REST: variants seen among roughly 807,000 people sequenced by gnomAD.
REST encodes the protein RE1-silencing transcription factor.
In REST, 1 loss-of-function variant was observed where a neutral mutation model predicts 30.4. That is an observed-to-expected ratio of 0.03 (90% CI 0.01 to 0.16). The LOEUF is 0.16. Among genes scored for constraint, REST ranks in the 10% least tolerant of loss-of-function variants. The pLI, the probability that REST is intolerant of heterozygous loss-of-function variation, is 1.00. For synonymous variants in REST, 504 were observed against 451.1 expected (o/e 1.12, Z -1.49); for missense variants, 1,259 against 1,329.5 (o/e 0.95, Z 0.82).
intron 1 of REST, chr4:56,909,657 T>C (rs1258165165): frequency 6.6e-6 from 1 of 152,264 alleles, no homozygotes; most frequent in African/African-American, 2.4e-5. Flanking sequence ...ATTTTCGGTT[T>C]AACTTTATTT....
intron 2 of REST, among the ~76,000 whole-genome samples, chr4:56,913,759 A>C (rs1018526138): frequency 6.6e-6 from 1 of 151,892 alleles, no homozygotes; most frequent in Non-Finnish European, 1.5e-5. Context: ...AGCGATTCTC[A>C]TGCCTCAGCC....
chr4:56,913,559 T>C (rs989775309), intron 2 of REST, among the ~76,000 whole-genome samples: 2 of 152,084 alleles, frequency 1.3e-5, no homozygotes, highest in African/African-American at 2.4e-5. Flanking sequence ...CTTACAGGAG[T>C]TGGCACTTGA....
intron 2 of REST, among the ~76,000 whole-genome samples, chr4:56,916,177 C>T (rs1194502369): frequency 6.6e-6 from 1 of 152,140 alleles, no homozygotes; most frequent in African/African-American, 2.4e-5. Flanking sequence ...GTGGGGGGAG[C>T]TGGGGACTTT....
chr4:56,930,157 A>G lies in REST; in HGVS notation c.1299A>G (p.Arg433=), dbSNP rs1297308304. Residue 433 remains arginine, a synonymous_variant, in exon 4 of 4, where the codon CGA becomes CGG. Transcript: ENST00000309042. ...SKVKLKKTKK[R]EADLPDNITN... is the part of the protein sequence containing the mutation. Reference sequence around the variant, plus strand: ...TGAAACTAAAGAAAACCAAAAAACGAGAGGCTGACTTGCCTGATAATATTA... The same window carrying G: ...TGAAACTAAAGAAAACCAAAAAACGGGAGGCTGACTTGCCTGATAATATTA... The G allele has an allele frequency of 6.8e-6, 11 of 1,613,530 alleles. No homozygotes were observed. Among genetic ancestry groups the G allele is most frequent in the Non-Finnish European group, 9.3e-6 (11 of 1,179,912 alleles).
chr4:56,925,070 CAGG>C (rs1720626213), intron 3 of REST, among the ~76,000 whole-genome samples: 2 of 149,592 alleles, frequency 1.3e-5, no homozygotes, highest in African/African-American at 4.9e-5. Flanking sequence ...GAGGCTGAGA[CAGG>C]AGAATCACTT....
chr4:56,917,130 T>C lies in REST; in HGVS notation c.899-2657T>C, dbSNP rs566885020. On this transcript the variant is annotated intron_variant, in intron 2 of 3. Coordinates refer to ENST00000309042, the MANE Select transcript of REST (RefSeq NM_005612.5). ...ACTGCTAATGATAATGTTCATCTTT[T>C]CATGTGTTTATTGGCTATTTGTAAA... Among the ~76,000 whole-genome samples the C allele has an allele frequency of 1.9e-4, 29 of 152,376 alleles. No homozygotes were observed. The South Asian group carries it at 5.0e-3, about 26-fold the overall frequency.
In REST at chr4:56,931,783, C is replaced by T. The variant is rs1720985733; in HGVS notation, c.2925C>T (p.Pro975=). 6.2e-7 allele frequency: 1 copy of T among 1,614,208 alleles called. No individual in the cohort carries two copies. The highest frequency in any genetic ancestry group is 8.5e-7 in the Non-Finnish European group (1 of 1,180,046). ...AAGAACCAGTTTCACCAATGCTTCC[C>T]CCTTCAGCAGTAGAAGAACGTGAAG... ...TVEEPVSPML[P]PSAVEEREAV... The change falls in exon 4 of 4, where the codon CCC becomes CCT. Residue 975 remains proline, a synonymous_variant. Transcript: ENST00000309042.
chr4:56,931,601 G>A lies in REST; in HGVS notation c.2743G>A (p.Glu915Lys), dbSNP rs372214552. ...SLPGLAANIN[E>K]STHISSSGQN... Reference sequence around the variant, plus strand: ...ACCTGGTCTTGCTGCTAATATCAACGAATCTACCCATATTTCATCCTCTGG... The same window carrying A: ...ACCTGGTCTTGCTGCTAATATCAACAAATCTACCCATATTTCATCCTCTGG... The change falls in exon 4 of 4, where the codon GAA becomes AAA. Residue 915 changes from glutamate to lysine, a missense_variant. This residue lies in a region of REST where 856 missense variants were observed against 772.8 expected (regional missense o/e 1.11). Coordinates refer to ENST00000309042, the MANE Select transcript of REST (RefSeq NM_005612.5). 14 of 1,614,078 alleles carry A rather than the reference G, an allele frequency of 8.7e-6. No homozygotes were observed. The highest frequency in any genetic ancestry group is 2.2e-5 in the East Asian group (1 of 44,900).
At position 56,910,819 on chromosome 4, in the gene REST, AGCT is replaced by A. The variant is rs759701880; in HGVS notation, c.186_188del (p.Cys63del). 4.5e-4 allele frequency: 722 copies of A among 1,614,094 alleles called. No homozygotes were observed. The highest frequency in any genetic ancestry group is 5.1e-4 in the Non-Finnish European group (604 of 1,180,050). On this transcript the variant is annotated inframe_deletion, in exon 2 of 4. Coordinates refer to ENST00000309042, the MANE Select transcript of REST (RefSeq NM_005612.5). ...GGCCTTAACTGGGGAAGTAAATGGCAGCTGCTGTGATTACCTGGTCGGTGAAGA... is the reference window on the plus strand; with the variant it reads ...GGCCTTAACTGGGGAAGTAAATGGCAGCTGTGATTACCTGGTCGGTGAAGA...
chr4:56,912,145 C>T (rs539743175), intron 2 of REST, among the ~76,000 whole-genome samples: 11 of 152,138 alleles, frequency 7.2e-5, no homozygotes, highest in Non-Finnish European at 1.2e-4. Context: ...GCATTGAGTT[C>T]CTAAATGGAA....
intron 3 of REST, among the ~76,000 whole-genome samples, chr4:56,929,207 A>G (rs1720852283): frequency 6.6e-6 from 1 of 151,700 alleles, no homozygotes; most frequent in African/African-American, 2.4e-5. Context: ...AGGTGGGATT[A>G]CTGGTGTGCA....
intron 3 of REST, chr4:56,927,753 G>T: frequency 4.5e-6 from 2 of 440,954 alleles, no homozygotes; most frequent in Non-Finnish European, 7.3e-6. Context: ...TTGTGACTTT[G>T]CTTATTTTAC....
chr4:56,908,768 C>A (rs529794810), intron 1 of REST: 1 of 151,860 alleles, frequency 6.6e-6, no homozygotes, highest in African/African-American at 2.4e-5. Context: ...TTCAGCCGTC[C>A]GGCGCCGCTG....
At chr4:56,914,473 G>T (rs1312138471) in intron 2 of REST, among the ~76,000 whole-genome samples, 1 of 152,124 alleles carries the variant, frequency 6.6e-6, no homozygotes, top group Non-Finnish European at 1.5e-5. Flanking sequence ...TTGTCTCGAT[G>T]CTTTGAAACC....
rs560842629 is a variant in REST at position 56,916,082 on chromosome 4, C to T, written c.899-3705C>T. 1.4e-4 allele frequency among the ~76,000 whole-genome samples: 21 copies of T among 149,254 alleles called. No individual in the cohort carries two copies. The East Asian group carries it at 4.5e-3, about 32-fold the overall frequency. On this transcript the variant is annotated intron_variant, in intron 2 of 3. Transcript: ENST00000309042. ...TGCAACTGCACTCCAGCCTGGGGGA[C>T]AGAGTGAGACTCTGTCTCAAAAACA...
At chr4:56,919,041 C>T (rs942913020) in intron 2 of REST, among the ~76,000 whole-genome samples, 2 of 150,174 alleles carry the variant, frequency 1.3e-5, no homozygotes, top group Non-Finnish European at 3.0e-5. Context: ...GTAGCTGGGA[C>T]AACAGGCACG....
Position 56,931,052 on chromosome 4 carries a change from G to A in REST, c.2194G>A (p.Glu732Lys). The A allele has an allele frequency of 7.2e-7, 1 of 1,385,038 alleles. No individual in the cohort carries two copies. The highest frequency in any genetic ancestry group is 1.1e-5 in the South Asian group (1 of 87,402). The allele number at this position is 1,385,038 out of a possible 1,614,324, so 85.8% of individuals were successfully genotyped here. The stretch of plus-strand genomic sequence containing the variant: ...GGTCCAGAAGGAGCCTGTTCAGATG[G>A]AGCTGTCTCCTCCCATGGAGGTGGT... ...QVVQKEPVQM[E>K]LSPPMEVVQK... Residue 732 changes from glutamate to lysine, a missense_variant, in exon 4 of 4, where the codon GAG becomes AAG. Physicochemically the swap from Glu to Lys is moderately conservative, Grantham distance 56. Coordinates refer to ENST00000309042, the MANE Select transcript of REST (RefSeq NM_005612.5).
intron 2 of REST, among the ~76,000 whole-genome samples, chr4:56,919,168 G>A (rs1405956541): frequency 6.6e-6 from 1 of 151,842 alleles, no homozygotes; most frequent in African/African-American, 2.4e-5. Flanking sequence ...GCCTCCCAAA[G>A]TGCTGGGATT....
rs774423126 is a variant in REST at position 56,911,244 on chromosome 4, C to T, written c.606C>T (p.Gly202=). Residue 202 remains glycine (G), a synonymous_variant, in exon 2 of 4, where the codon GGC becomes GGT. Transcript: ENST00000309042. ...AEKQAKARES[G]SSTAEEGDFS... ...AGCAGGCAAAAGCCAGGGAATCTGG[C>T]TCTTCCACTGCAGAAGAGGGAGATT... The T allele has an allele frequency of 5.0e-6, 8 of 1,614,138 alleles. No homozygotes were observed. The highest frequency in any genetic ancestry group is 1.7e-6 in the Non-Finnish European group (2 of 1,180,018).
Sources: allele counts gnomAD v4.1 joint callset (sites outside exome capture counted in the v4.1 genomes callset), GRCh38; gene constraint gnomAD v4.1.1; regional missense constraint gnomAD v4.1.1; transcripts MANE v1.5; gene names NCBI Gene and HGNC (gene_info 2026-07-23, HGNC 2026-07-21).